Variants in CERCAM observed in about 807,000 individuals in gnomAD.
The protein encoded by CERCAM is cerebral endothelial cell adhesion molecule, also known as inactive glycosyltransferase 25 family member 3.
A neutral mutation model predicts 66.0 loss-of-function variants in CERCAM; 59 were observed. That is an observed-to-expected ratio of 0.89 (90% CI 0.73 to 1.11). CERCAM has a LOEUF of 1.11. Among genes scored for constraint, CERCAM ranks in the 50% most tolerant of loss-of-function variants. The pLI is 0.00. For synonymous variants in CERCAM, 318 were observed against 343.6 expected, an observed-to-expected ratio of 0.93 and a Z score of 0.83; for missense variants, 840 against 828.3, an observed-to-expected ratio of 1.01 and a Z score of -0.17.
intron 5 of CERCAM, among the ~76,000 whole-genome samples, chr9:128,425,051 TG>T (rs752234010): frequency 1.2e-4 from 17 of 145,526 alleles, no homozygotes; most frequent in South Asian, 6.6e-4. Flanking sequence ...AAAGGTTTTT[TG>T]TTGTTGTTGT....
chr9:128,426,388 G>A (rs1313646979), intron 5 of CERCAM, among the ~76,000 whole-genome samples: 1 of 152,046 alleles, frequency 6.6e-6, no homozygotes, highest in Non-Finnish European at 1.5e-5. Context: ...ACTTTGGGAG[G>A]CCGAGGCAGG....
intron 8 of CERCAM, 139 bp downstream of exon 8, chr9:128,429,175 T>C (rs1271584245): frequency 3.1e-6 from 2 of 635,494 alleles, no homozygotes; most frequent in Non-Finnish European, 5.4e-6. Context: ...GTCTGAGTAA[T>C]ATCCTCTCAG....
rs1464714439 is a variant in CERCAM at position 128,434,405 on chromosome 9, T to C, written c.1332-5T>C. The C allele has an allele frequency of 1.6e-5, 26 of 1,613,824 alleles. No homozygotes were observed. Among genetic ancestry groups the C allele is most frequent in the Non-Finnish European group, 2.1e-5 (25 of 1,179,962 alleles). ...GACTCCTGGGCCCCTTGGTGTCACT[T>C]ACAGCTACCTCGGACGGAAGCAGGT... On this transcript the variant is annotated splice_region_variant and splice_polypyrimidine_tract_variant and intron_variant, in intron 10 of 12. Transcript: ENST00000372838. The surrounding 1 kb of genome is among the most constrained non-coding windows in gnomAD (Gnocchi z 4.5).
At chr9:128,425,990 A>C (rs1450829175) in intron 5 of CERCAM, among the ~76,000 whole-genome samples, 2 of 150,674 alleles carry the variant, frequency 1.3e-5, no homozygotes, top group African/African-American at 4.9e-5. Flanking sequence ...TTTTTTGTAG[A>C]GATGGGGTTT....
chr9:128,421,675 A>T (rs1396083334), intron 1 of CERCAM: 2 of 279,870 alleles, frequency 7.1e-6, no homozygotes, highest in African/African-American at 4.6e-5. Flanking sequence ...CCCCTCTGGC[A>T]TCTCTGTACC....
chr9:128,428,477 C>A, intron 6 of CERCAM, 56 bp downstream of exon 6: 1 of 1,599,846 alleles, frequency 6.3e-7, no homozygotes, highest in Non-Finnish European at 8.5e-7. Context: ...TGCCTCCCCA[C>A]GGTGCCCCTT....
chr9:128,434,429 G>T lies in CERCAM; in HGVS notation c.1351G>T (p.Val451Leu). 6.2e-7 allele frequency: 1 copy of T among 1,614,028 alleles called. No individual in the cohort carries two copies. Among genetic ancestry groups the T allele is most frequent in the Non-Finnish European group, 8.5e-7 (1 of 1,180,020 alleles). ...TTACAGCTACCTCGGACGGAAGCAG[G>T]TGAACCCTGAGAAGGAGACGGCCGT... The part of the protein sequence containing the change: ...WDLIYLGRKQ[V>L]NPEKETAVEG... Residue 451 changes from valine to leucine, a missense_variant, in exon 11 of 13, where the codon GTG becomes TTG. Transcript: ENST00000372838. The surrounding 1 kb of genome is among the most constrained non-coding windows in gnomAD (Gnocchi z 4.5).
chr9:128,428,716 G>A, intron 6 of CERCAM, 41 bp from the exon 7 acceptor site: 3 of 1,607,182 alleles, frequency 1.9e-6, no homozygotes, highest in Non-Finnish European at 1.7e-6. Flanking sequence ...GCTAACAGGA[G>A]TCAGTAGGGA....
intron 1 of CERCAM, 46 bp downstream of exon 1, chr9:128,421,120 C>T: frequency 7.9e-7 from 1 of 1,266,830 alleles, no homozygotes; most frequent in Non-Finnish European, 9.9e-7. Context: ...TAACCCCCAG[C>T]TTCGCAGATG....
chr9:128,419,347 C>G (rs1465822463), upstream of CERCAM: 1 of 152,288 alleles, frequency 6.6e-6, no homozygotes, highest in Non-Finnish European at 1.5e-5. Context: ...AGCCCTGGCT[C>G]CCCTCCCTGA....
chr9:128,420,922 G>C lies in CERCAM; in HGVS notation c.45G>C (p.Leu15=). 1 of 1,427,008 alleles carries C rather than the reference G, an allele frequency of 7.0e-7. No homozygotes were observed. The highest frequency in any genetic ancestry group is 2.0e-4 in the Middle Eastern group (1 of 5,072). 88.4% of individuals were successfully genotyped at this position (1,427,008 alleles called of 1,614,324 possible). ...CGCCGCTGCTCCAGCTGCTGCTCCT[G>C]CTGGGGCCGTGGCTGGAGGCTGCGG... ...RAAPLLQLLL[L]LGPWLEAAGV... The change falls in exon 1 of 13, where the codon CTG becomes CTC. Residue 15 remains leucine (L), a synonymous_variant. Transcript: ENST00000372838. The surrounding 1 kb of genome is among the most constrained non-coding windows in gnomAD (Gnocchi z 5.0).
chr9:128,422,752 C>T, intron 1 of CERCAM, 116 bp from the exon 2 acceptor site: 6 of 1,188,872 alleles, frequency 5.0e-6, no homozygotes, highest in East Asian at 2.6e-5. Context: ...CACACCTACC[C>T]TTCACTGTTC....
intron 5 of CERCAM, 131 bp downstream of exon 5, chr9:128,424,745 A>G (rs1451880156): frequency 2.3e-5 from 18 of 781,932 alleles, no homozygotes; most frequent in Non-Finnish European, 3.4e-5. Flanking sequence ...ACTTTGGGTC[A>G]TGAGTTTTCT....
At chr9:128,428,718 C>A in intron 6 of CERCAM, 39 bp from the exon 7 acceptor site, 1 of 1,607,152 alleles carries the variant, frequency 6.2e-7, no homozygotes, top group South Asian at 1.1e-5. Context: ...TAACAGGAGT[C>A]AGTAGGGACT....
Position 128,423,489 on chromosome 9 carries a change from C to T in CERCAM, c.426+226C>T, listed in dbSNP as rs371020553. 2.8e-4 allele frequency among the ~76,000 whole-genome samples: 42 copies of T among 152,074 alleles called. 1 individual carries two copies. The East Asian group carries it at 4.6e-3, about 17-fold the overall frequency. On this transcript the variant is annotated intron_variant, in intron 3 of 12. Transcript: ENST00000372838. ...ATAATTAGCTGGGCGTGGTCGCAGG[C>T]GCCTGTAATTCCAGCTGCTTGGGAG...
intron 4 of CERCAM, 46 bp from the exon 5 acceptor site, chr9:128,424,364 G>C: frequency 6.2e-7 from 1 of 1,612,474 alleles, no homozygotes; most frequent in East Asian, 2.2e-5. Flanking sequence ...TCTGTGGGCA[G>C]GGGCAGGGGA....
Position 128,422,876 on chromosome 9 carries a change from C to T in CERCAM, c.206C>T (p.Thr69Met), listed in dbSNP as rs371933987. Reference sequence around the variant, plus strand: ...TTTCTTCCCGTCCCCAGGTGTGCCACGGACCACAATGTGGACAACACCACA... The same window carrying T: ...TTTCTTCCCGTCCCCAGGTGTGCCATGGACCACAATGTGGACAACACCACA... ...PRARMALWCA[T>M]DHNVDNTTEM... is the part of the protein sequence containing the mutation. Residue 69 changes from threonine to methionine, a missense_variant, in exon 2 of 13, where the codon ACG becomes ATG. Physicochemically the swap from Thr to Met is moderately conservative, Grantham distance 81. Transcript: ENST00000372838. 121 of 1,613,906 alleles carry T rather than the reference C, an allele frequency of 7.5e-5. No individual in the cohort carries two copies. The highest frequency in any genetic ancestry group is 9.3e-5 in the African/African-American group (7 of 74,938).
At chr9:128,431,473 T>C in intron 9 of CERCAM, 170 bp downstream of exon 9, 1 of 745,402 alleles carries the variant, frequency 1.3e-6, no homozygotes. Flanking sequence ...TAAGCGGTGC[T>C]TGTTTTCATT....
intron 6 of CERCAM, 35 bp from the exon 7 acceptor site, chr9:128,428,722 A>G (rs772664397): frequency 6.2e-7 from 1 of 1,610,348 alleles, no homozygotes; most frequent in Non-Finnish European, 8.5e-7. Context: ...AGGAGTCAGT[A>G]GGGACTCGTG....
Sources: gnomAD v4.1 joint callset for allele counts (sites outside exome capture counted in the v4.1 genomes callset) on GRCh38, gnomAD v4.1.1 for gene constraint, Gnocchi (gnomAD v3.1) non-coding constraint, MANE v1.5 for transcripts, NCBI Gene and HGNC (gene_info 2026-07-23, HGNC 2026-07-21) for gene names.